SELENOI: variants seen among roughly 807,000 people sequenced by gnomAD.
SELENOI encodes the protein ethanolaminephosphotransferase 1.
SELENOI carries 24 observed loss-of-function variants against 50.7 expected under a neutral mutation model. The observed-to-expected ratio is 0.47, with a 90% CI of 0.34 to 0.67. The LOEUF is 0.67. SELENOI is among the 30% of genes least tolerant of loss of function. The pLI is 0.01. For missense variants in SELENOI, 352 were observed against 461.4 expected (o/e 0.76, Z 2.17); for synonymous variants, 155 against 170.2 (o/e 0.91, Z 0.70).
intron 1 of SELENOI, among the ~76,000 whole-genome samples, chr2:26,350,889 A>C (rs1676942274): frequency 6.6e-6 from 1 of 152,170 alleles, no homozygotes; most frequent in South Asian, 2.1e-4. Context: ...TCTGTTCCTG[A>C]TAGACCTATT....
At chr2:26,361,220 T>C (rs540409399) in intron 1 of SELENOI, among the ~76,000 whole-genome samples, 2 of 151,996 alleles carry the variant, frequency 1.3e-5, no homozygotes, top group Non-Finnish European at 2.9e-5. Context: ...TCTCAAAAAG[T>C]ATATGGGAGG....
chr2:26,383,450 A>G, intron 7 of SELENOI, 103 bp downstream of exon 7: 1 of 770,370 alleles, frequency 1.3e-6, no homozygotes. Flanking sequence ...GACATTTTGA[A>G]AAGGTCACAA....
In SELENOI at chr2:26,393,633, T is replaced by G. The variant is rs1678020519; in HGVS notation, c.*4530T>G. On this transcript the variant is annotated 3_prime_UTR_variant, in exon 10 of 10. Transcript: ENST00000260585. The stretch of plus-strand genomic sequence containing the variant: ...GACTGCAGCAGGATTGTTCTGGTCT[T>G]CCACAGACCATTCACATGGTCTTTC... 1 of 152,234 alleles carries G rather than the reference T, an allele frequency of 6.6e-6. No homozygotes were observed. The highest frequency in any genetic ancestry group is 1.5e-5 in the Non-Finnish European group (1 of 68,054). 9.4% of individuals were successfully genotyped at this position (152,234 alleles called of 1,614,324 possible). A position where few individuals can be genotyped will look rare whatever the true frequency, so the allele number is the denominator to read the frequency against.
chr2:26,364,728 T>C, intron 2 of SELENOI, 104 bp from the exon 3 acceptor site: 1 of 765,666 alleles, frequency 1.3e-6, no homozygotes, highest in Admixed American at 3.2e-5. Flanking sequence ...CATATGATCT[T>C]TCAAATGTAT....
Position 26,369,485 on chromosome 2 carries a change from T to G in SELENOI, c.310+2265T>G, listed in dbSNP as rs76867861. ...CCAGAATAGAAACTGGAGATTCTCT[T>G]CTTGTCCTTAGGCCTTATCCCTCAT... On this transcript the variant is annotated intron_variant, in intron 4 of 9. Transcript: ENST00000260585. 3.3e-3 allele frequency among the ~76,000 whole-genome samples: 496 copies of G among 152,322 alleles called. 3 individuals are homozygous for G. Among genetic ancestry groups the G allele is most frequent in the African/African-American group, 0.011 (467 of 41,566 alleles).
chr2:26,348,599 C>T (rs190480490), intron 1 of SELENOI, among the ~76,000 whole-genome samples: 4 of 152,116 alleles, frequency 2.6e-5, no homozygotes, highest in African/African-American at 9.6e-5. Context: ...TGTTACTTAA[C>T]GCAATTGTAT....
chr2:26,363,608 G>T (rs1009784413), intron 1 of SELENOI, among the ~76,000 whole-genome samples: 1 of 152,294 alleles, frequency 6.6e-6, no homozygotes, highest in Admixed American at 6.5e-5. Flanking sequence ...AACAACCACT[G>T]TATGATTAAC....
At chr2:26,367,299 C>G in intron 4 of SELENOI, 79 bp downstream of exon 4, 1 of 1,088,452 alleles carries the variant, frequency 9.2e-7, no homozygotes, top group Non-Finnish European at 1.3e-6. Flanking sequence ...ATAACATTTT[C>G]TCCTGTGCTT....
chr2:26,374,150 A>G (rs1438760856), intron 5 of SELENOI, among the ~76,000 whole-genome samples: 2 of 152,224 alleles, frequency 1.3e-5, no homozygotes, highest in African/African-American at 4.8e-5. Context: ...AACAATCACA[A>G]TGCCAGTATT....
Position 26,366,018 on chromosome 2 carries a change from C to T in SELENOI, c.235+1078C>T, listed in dbSNP as rs564556400. Among the ~76,000 whole-genome samples, 3 of 152,194 alleles carry T rather than the reference C, an allele frequency of 2.0e-5. No homozygotes were observed. The South Asian group carries it at 6.2e-4, about 32-fold the overall frequency. ...GTTTCACCATGTTGGCCAGGCTGGT[C>T]TCAAACTCCTGACCTCAAATGATCC... On this transcript the variant is annotated intron_variant, in intron 3 of 9. Transcript: ENST00000260585.
chr2:26,374,718 G>T (rs1371953862), intron 5 of SELENOI, among the ~76,000 whole-genome samples: 1 of 151,850 alleles, frequency 6.6e-6, no homozygotes. Context: ...ACAGGCATGC[G>T]CCACCACGCC....
In SELENOI at chr2:26,374,602, A is replaced by G. The variant is rs531359213; in HGVS notation, c.574-438A>G. On this transcript the variant is annotated intron_variant, in intron 5 of 9. Transcript: ENST00000260585. ...TTTTTTTTTGAGACAGAATTTCGCT[A>G]TTGTTGCCCAGGCTGGAGTGCAATG... 1.5e-3 allele frequency among the ~76,000 whole-genome samples: 187 copies of G among 124,910 alleles called. No homozygotes were observed. The Admixed American group carries it at 0.017, about 11-fold the overall frequency. 81.9% of individuals were successfully genotyped at this position (124,910 alleles called of 152,430 possible). A position where few individuals can be genotyped will look rare whatever the true frequency, so the allele number is the denominator to read the frequency against.
intron 3 of SELENOI, 99 bp from the exon 4 acceptor site, chr2:26,367,047 C>A: frequency 9.8e-7 from 1 of 1,019,830 alleles, no homozygotes; most frequent in Non-Finnish European, 1.4e-6. Context: ...ACTTTAACTT[C>A]TAATGAACAA....
At position 26,372,980 on chromosome 2, in the gene SELENOI, C is replaced by A. The variant is rs529595490; in HGVS notation, c.311-387C>A. Among the ~76,000 whole-genome samples, 3 of 152,254 alleles carry A rather than the reference C, an allele frequency of 2.0e-5. No individual in the cohort carries two copies. In the South Asian group the frequency reaches 6.2e-4, roughly 32 times the overall value. ...CATAGCTCACTGCAGGTTCAAACTCCTGGGCTCAAACAATCTTCCCACCTC... is the reference window on the plus strand; with the variant it reads ...CATAGCTCACTGCAGGTTCAAACTCATGGGCTCAAACAATCTTCCCACCTC... On this transcript the variant is annotated intron_variant, in intron 4 of 9. Coordinates refer to ENST00000260585, the MANE Select transcript of SELENOI (RefSeq NM_033505.4).
At chr2:26,360,310 A>G (rs1030117275) in intron 1 of SELENOI, among the ~76,000 whole-genome samples, 6 of 152,344 alleles carry the variant, frequency 3.9e-5, no homozygotes, top group Admixed American at 2.6e-4. Flanking sequence ...GCTGCCTTCT[A>G]TAATCTATTA....
intron 1 of SELENOI, among the ~76,000 whole-genome samples, chr2:26,361,472 C>T (rs1574752867): frequency 6.6e-6 from 1 of 152,202 alleles, no homozygotes; most frequent in African/African-American, 2.4e-5. Context: ...CTCTCTCTCT[C>T]AAAACGTCTG....
rs1033716890 is a variant in SELENOI, at chr2:26,393,172, T to G, written c.*4069T>G. ...ATGACTGACATTGGCAGGCAGTTAT[T>G]GTAGGGTATATGGTTAATCACGATT... On this transcript the variant is annotated 3_prime_UTR_variant, in exon 10 of 10. Transcript: ENST00000260585. The G allele has an allele frequency of 6.6e-6, 1 of 152,670 alleles. No individual in the cohort carries two copies. The highest frequency in any genetic ancestry group is 1.5e-5 in the Non-Finnish European group (1 of 68,048). The allele number at this position is 152,670 out of a possible 1,614,324, so 9.5% of individuals were successfully genotyped here.
At chr2:26,371,567 C>T (rs575362719) in intron 4 of SELENOI, among the ~76,000 whole-genome samples, 4 of 152,352 alleles carry the variant, frequency 2.6e-5, no homozygotes, top group East Asian at 3.9e-4. Flanking sequence ...CCAGCCTGGG[C>T]GCCATTGAGC....
Position 26,373,406 on chromosome 2 carries a change from G to T in SELENOI, c.350G>T (p.Ser117Ile). Residue 117 changes from serine to isoleucine, a missense_variant, in exon 5 of 10, where the codon AGC becomes ATC. Physicochemically the swap from Ser to Ile is moderately radical, Grantham distance 142. Coordinates refer to ENST00000260585, the MANE Select transcript of SELENOI (RefSeq NM_033505.4). Reference protein sequence around the residue: ...DGKQARRTNSSTPLGELFDHG... With the variant: ...DGKQARRTNSITPLGELFDHG... Reference sequence around the variant, plus strand: ...AAGCAAGCTCGCAGAACCAATTCTAGCACTCCCTTAGGGGAGCTTTTTGAT... The same window carrying T: ...AAGCAAGCTCGCAGAACCAATTCTATCACTCCCTTAGGGGAGCTTTTTGAT... 3.1e-6 allele frequency: 5 copies of T among 1,612,318 alleles called. No individual in the cohort carries two copies. Among genetic ancestry groups the T allele is most frequent in the Non-Finnish European group, 4.2e-6 (5 of 1,179,054 alleles).
Sources: gnomAD v4.1 joint callset for allele counts (sites outside exome capture counted in the v4.1 genomes callset) on GRCh38, gnomAD v4.1.1 for gene constraint, MANE v1.5 for transcripts, NCBI Gene and HGNC (gene_info 2026-07-23, HGNC 2026-07-21) for gene names.